KIF25: variants seen among roughly 807,000 people sequenced by gnomAD.
The protein encoded by KIF25 is kinesin-like protein KIF25.
A neutral mutation model predicts 32.9 loss-of-function variants in KIF25; 19 were observed. The ratio of observed to expected loss-of-function variants is 0.58; its 90% CI spans 0.40 to 0.85. The LOEUF (loss-of-function observed/expected upper bound fraction) is 0.85. KIF25 is among the 40% of genes least tolerant of loss of function. The probability of loss-of-function intolerance (pLI) is 0.00; values close to 1 mark genes in which losing one functional copy is unlikely to be tolerated. For missense variants in KIF25, 485 were observed against 507.0 expected, an observed-to-expected ratio of 0.96 and a Z score of 0.42; for synonymous variants, 225 against 213.7, an observed-to-expected ratio of 1.05 and a Z score of -0.46.
At chr6:168,002,048 G>A (rs1233278422) in intron 2 of KIF25, among the ~76,000 whole-genome samples, 2 of 124,476 alleles carry the variant, frequency 1.6e-5, no homozygotes, top group Admixed American at 1.5e-4. Flanking sequence ...AGACACCTGA[G>A]GCATGGCCTC....
At chr6:168,043,042 G>A (rs1016705835) in intron 12 of KIF25, among the ~76,000 whole-genome samples, 1 of 152,190 alleles carries the variant, frequency 6.6e-6, no homozygotes, top group Non-Finnish European at 1.5e-5. Context: ...CTGCATGTGT[G>A]GCCTGGGTCC....
intron 4 of KIF25, among the ~76,000 whole-genome samples, chr6:168,008,236 G>T (rs1412133550): frequency 2.6e-5 from 4 of 152,132 alleles, no homozygotes; most frequent in African/African-American, 7.2e-5. Flanking sequence ...GATCCATTTT[G>T]AGTTGATTTC....
intron 4 of KIF25, among the ~76,000 whole-genome samples, chr6:168,015,719 T>A (rs1440497924): frequency 1.3e-5 from 2 of 152,190 alleles, no homozygotes; most frequent in African/African-American, 4.8e-5. Context: ...GGGGAGGGTT[T>A]TTGGACAGGC....
chr6:168,008,988 G>C (rs1798613533), intron 4 of KIF25, among the ~76,000 whole-genome samples: 1 of 152,080 alleles, frequency 6.6e-6, no homozygotes, highest in South Asian at 2.1e-4. Context: ...AGAGTCTTTA[G>C]GATTTTCTAT....
chr6:168,035,783 T>G, intron 8 of KIF25: 1 of 456,182 alleles, frequency 2.2e-6, no homozygotes, highest in Non-Finnish European at 4.4e-6. Context: ...AGTCAGAGTC[T>G]CAGAATCTCT....
At chr6:168,034,685 T>A (rs1179474546) in intron 8 of KIF25, among the ~76,000 whole-genome samples, 2 of 152,200 alleles carry the variant, frequency 1.3e-5, no homozygotes, top group African/African-American at 4.8e-5. Flanking sequence ...ACTCCCGTCC[T>A]TCCGTCGCCC....
At chr6:168,003,251 GGAGTAAAAAAATCAA>G (rs1258479459) in intron 3 of KIF25, among the ~76,000 whole-genome samples, 1 of 152,062 alleles carries the variant, frequency 6.6e-6, no homozygotes, top group Non-Finnish European at 1.5e-5. Context: ...CAGGGGTATT[GGAGTAAAAAAATCAA>G]GAGAAGACAA....
chr6:168,028,248 G>T (rs996412504), intron 5 of KIF25, among the ~76,000 whole-genome samples: 23 of 152,006 alleles, frequency 1.5e-4, no homozygotes, highest in African/African-American at 5.5e-4. Context: ...ATGGAGTTTT[G>T]CCCGTTGCCC....
intron 4 of KIF25, among the ~76,000 whole-genome samples, chr6:168,013,825 C>G (rs1410925687): frequency 6.6e-6 from 1 of 152,144 alleles, no homozygotes; most frequent in Non-Finnish European, 1.5e-5. Flanking sequence ...CCGGTCAACA[C>G]AGGTGCCTCT....
intron 4 of KIF25, among the ~76,000 whole-genome samples, chr6:168,005,146 G>A (rs1404584194): frequency 6.6e-6 from 1 of 152,148 alleles, no homozygotes; most frequent in Non-Finnish European, 1.5e-5. Context: ...AGGCAAGCCT[G>A]GCATGCACGA....
In KIF25 at chr6:168,033,906, T is replaced by C. The variant is rs1489979561; in HGVS notation, c.192T>C (p.Tyr64=). 1 of 1,614,184 alleles carries C rather than the reference T, an allele frequency of 6.2e-7. No individual in the cohort carries two copies. The change falls in exon 8 of 13, where the codon TAT becomes TAC. Residue 64 remains tyrosine, a synonymous_variant. Coordinates refer to ENST00000643607, the MANE Select transcript of KIF25 (RefSeq NM_030615.4). ...LDGYNVCVMA[Y]GQTGSGKSYT... ...GGTACAATGTTTGTGTTATGGCGTA[T>C]GGACAGACGGGCAGCGGAAAGAGCT...
chr6:168,035,905 A>G lies in KIF25; in HGVS notation c.317+1874A>G, dbSNP rs1464911199. 2.2e-5 allele frequency: 9 copies of G among 403,764 alleles called. No individual in the cohort carries two copies. The Admixed American group carries it at 2.2e-4, about 10-fold the overall frequency. The allele number at this position is 403,764 out of a possible 1,614,324, so 25.0% of individuals were successfully genotyped here. On this transcript the variant is annotated intron_variant, in intron 8 of 12. Transcript: ENST00000643607. ...CACGGACCGTGTCCTCCCTCATCAC[A>G]TCCACACACGACCTGGAGAGGGGTG...
At chr6:168,001,402 C>T (rs1386806581) in intron 2 of KIF25, among the ~76,000 whole-genome samples, 1 of 152,228 alleles carries the variant, frequency 6.6e-6, no homozygotes, top group Non-Finnish European at 1.5e-5. Flanking sequence ...CTGAACTTGC[C>T]TTTTACATGG....
intron 4 of KIF25, among the ~76,000 whole-genome samples, chr6:168,011,423 G>T (rs1798645503): frequency 6.6e-6 from 1 of 152,114 alleles, no homozygotes; most frequent in African/African-American, 2.4e-5. Context: ...GTCTGTGAAA[G>T]ATTTTATTTT....
intron 8 of KIF25, among the ~76,000 whole-genome samples, chr6:168,034,758 C>T (rs1481806753): frequency 1.3e-5 from 2 of 152,182 alleles, no homozygotes; most frequent in Non-Finnish European, 2.9e-5. Flanking sequence ...GCCAACATGG[C>T]CTGCGAAGAT....
rs530421497 is a variant in KIF25 at position 168,044,607 on chromosome 6, G to A, written c.986-220G>A. ...CGGAGGGTGAGGGGTGCTAGTGACC[G>A]GCTGCTGACCCTCCCGGACCCGGGT... On this transcript the variant is annotated intron_variant, in intron 12 of 12. Coordinates refer to ENST00000643607, the MANE Select transcript of KIF25 (RefSeq NM_030615.4). 1.4e-3 allele frequency among the ~76,000 whole-genome samples: 211 copies of A among 151,662 alleles called. 1 individual carries two copies. The highest frequency in any genetic ancestry group is 0.014 in the South Asian group (66 of 4,780).
At chr6:168,032,835 G>A (rs182028560) in intron 7 of KIF25, among the ~76,000 whole-genome samples, 2 of 152,324 alleles carry the variant, frequency 1.3e-5, no homozygotes, top group Non-Finnish European at 2.9e-5. Flanking sequence ...CGGACGGGGG[G>A]TCAGGGCCGG....
intron 4 of KIF25, among the ~76,000 whole-genome samples, chr6:168,007,035 G>GTA (rs1337199574): frequency 6.6e-6 from 1 of 152,138 alleles, no homozygotes; most frequent in Non-Finnish European, 1.5e-5. Context: ...GACAAAAATT[G>GTA]TATACATTCG....
In KIF25 at chr6:168,034,902, TGTAATCCTAGCACTTTGG is replaced by T. The variant is rs1487693112; in HGVS notation, c.317+873_317+890del. On this transcript the variant is annotated intron_variant, in intron 8 of 12. Coordinates refer to ENST00000643607, the MANE Select transcript of KIF25 (RefSeq NM_030615.4). ...GGCCGGGCGCGGTGGTTCAAACACC[TGTAATCCTAGCACTTTGG>T]GAGGTCGAGGCGGGCGGATCACAAG... 2.0e-5 allele frequency among the ~76,000 whole-genome samples: 3 copies of T among 152,282 alleles called. No homozygotes were observed. The East Asian group carries it at 5.8e-4, about 29-fold the overall frequency.
Sources: allele counts gnomAD v4.1 joint callset (sites outside exome capture counted in the v4.1 genomes callset), GRCh38; gene constraint gnomAD v4.1.1; transcripts MANE v1.5; gene names NCBI Gene and HGNC (gene_info 2026-07-23, HGNC 2026-07-21).